SRGAP1: variants seen among roughly 807,000 people sequenced by gnomAD.
The protein encoded by SRGAP1 is SLIT-ROBO Rho GTPase-activating protein 1.
Under a neutral mutation model 121.9 loss-of-function variants are expected in SRGAP1, and 43 were observed. The ratio of observed to expected loss-of-function variants is 0.35; its 90% CI spans 0.28 to 0.46. The LOEUF (loss-of-function observed/expected upper bound fraction) is 0.46. Among genes scored for constraint, SRGAP1 ranks in the 20% least tolerant of loss-of-function variants. The pLI is 1.00. For synonymous variants in SRGAP1, 447 were observed against 485.4 expected, an observed-to-expected ratio of 0.92 and a Z score of 1.04; for missense variants, 1,102 against 1,350.9, an observed-to-expected ratio of 0.82 and a Z score of 2.89.
intron 1 of SRGAP1, among the ~76,000 whole-genome samples, chr12:63,884,790 C>T (rs956687021): frequency 1.1e-4 from 16 of 147,328 alleles, no homozygotes; most frequent in Non-Finnish European, 1.2e-4. Flanking sequence ...GGCGCGATCT[C>T]GGCTCACTGC....
At chr12:64,035,017 A>G (rs1268979810) in intron 4 of SRGAP1, among the ~76,000 whole-genome samples, 12 of 151,168 alleles carry the variant, frequency 7.9e-5, no homozygotes, top group African/African-American at 2.9e-4. Context: ...GGGATCAGCA[A>G]CTCTTTCAGC....
rs1010832231 is a variant in SRGAP1, at chr12:64,143,672, T to G, written c.*1000T>G. The G allele has an allele frequency of 3.3e-5, 5 of 152,112 alleles. No homozygotes were observed. The highest frequency in any genetic ancestry group is 1.3e-4 in the Admixed American group (2 of 15,228). The allele number at this position is 152,112 out of a possible 1,614,324, so 9.4% of individuals were successfully genotyped here. ...AACATGCTACAAAGCCCAGGCATGG[T>G]GGTGCACACCTGTACTCCCAGCTAC... is the stretch of plus-strand genomic sequence containing the variant. On this transcript the variant is annotated 3_prime_UTR_variant, in exon 22 of 22. Transcript: ENST00000355086.
chr12:64,072,149 G>GTGT (rs1159654414), intron 8 of SRGAP1, among the ~76,000 whole-genome samples: 3 of 18,428 alleles, frequency 1.6e-4, no homozygotes, highest in Non-Finnish European at 2.2e-4. Context: ...TGTGTGTGTG[G>GTGT]GCGGCGGGGG....
At chr12:64,018,354 G>A (rs1036963148) in intron 4 of SRGAP1, among the ~76,000 whole-genome samples, 1 of 152,138 alleles carries the variant, frequency 6.6e-6, no homozygotes, top group African/African-American at 2.4e-5. Flanking sequence ...GCCTCTCAAA[G>A]TGTTGGCATT....
chr12:63,982,673 G>A (rs982994343), intron 1 of SRGAP1: 29 of 152,202 alleles, frequency 1.9e-4, no homozygotes, highest in African/African-American at 7.0e-4. Context: ...ATTAGATTCA[G>A]CCTTCACTTT....
At chr12:64,025,627 A>T (rs902532243) in intron 4 of SRGAP1, among the ~76,000 whole-genome samples, 1 of 152,220 alleles carries the variant, frequency 6.6e-6, no homozygotes, top group African/African-American at 2.4e-5. Flanking sequence ...TATCTTTGGA[A>T]TACCACATTC....
At chr12:63,998,375 A>G (rs552873115) in intron 3 of SRGAP1, among the ~76,000 whole-genome samples, 119 of 152,318 alleles carry the variant, frequency 7.8e-4, no homozygotes, top group African/African-American at 2.8e-3. Context: ...TGTACATCCT[A>G]CTTCCTGAGA....
rs572030421 is a variant in SRGAP1, at chr12:64,128,054, A to G, written c.2734A>G (p.Arg912Gly). Residue 912 changes from arginine (R) to glycine (G), a missense_variant, in exon 21 of 22, where the codon AGG becomes GGG. Physicochemically the swap from Arg to Gly is moderately radical, Grantham distance 125. Coordinates refer to ENST00000355086, the MANE Select transcript of SRGAP1 (RefSeq NM_020762.4). ...LNNDSPERRR[R>G]PGHGSLTNIS... ...CAATGACAGTCCTGAGCGGAGGCGC[A>G]GGCCTGGCCATGGCAGCCTGACCAA... is the stretch of plus-strand genomic sequence containing the variant. The G allele has an allele frequency of 3.7e-5, 59 of 1,613,986 alleles. No homozygotes were observed. The highest frequency in any genetic ancestry group is 4.7e-5 in the Non-Finnish European group (56 of 1,180,034).
intron 1 of SRGAP1, chr12:63,871,618 T>C: frequency 1.9e-6 from 1 of 536,564 alleles, no homozygotes. Flanking sequence ...TAGTGTGAGG[T>C]TGGGAGTTTT....
rs529382844 is a variant in SRGAP1, at chr12:63,907,002, T to C, written c.67+62119T>C. ...CTATTTTCCAAAATGGAAACACAAA[T>C]TGTGCCTCGTTTTGTGTTCCCACAG... On this transcript the variant is annotated intron_variant, in intron 1 of 21. Coordinates refer to ENST00000355086, the MANE Select transcript of SRGAP1 (RefSeq NM_020762.4). 2.6e-5 allele frequency among the ~76,000 whole-genome samples: 4 copies of C among 152,216 alleles called. No homozygotes were observed. In the East Asian group the frequency reaches 7.7e-4, roughly 29 times the overall value.
intron 1 of SRGAP1, among the ~76,000 whole-genome samples, chr12:63,954,917 C>T (rs75572244): frequency 0.011 from 1,743 of 151,960 alleles, 27 homozygotes; most frequent in African/African-American, 0.039. Flanking sequence ...GCAAAGTGTC[C>T]CAATTGTCAG....
rs1343415190 is a variant in SRGAP1 at position 64,146,037 on chromosome 12, C to G, written c.*3365C>G. 3 of 152,146 alleles carry G rather than the reference C, an allele frequency of 2.0e-5. No individual in the cohort carries two copies. Among genetic ancestry groups the G allele is most frequent in the Non-Finnish European group, 4.4e-5 (3 of 68,062 alleles). The allele number at this position is 152,146 out of a possible 1,614,324, so 9.4% of individuals were successfully genotyped here. Reference sequence around the variant, plus strand: ...ACTGAAGGAGATTCATCAAGTCAGCCTTTTGGACTGGGTTGGGGTTTGGGG... The same window carrying G: ...ACTGAAGGAGATTCATCAAGTCAGCGTTTTGGACTGGGTTGGGGTTTGGGG... On this transcript the variant is annotated 3_prime_UTR_variant, in exon 22 of 22. Transcript: ENST00000355086.
At chr12:63,901,004 T>TTTA (rs2029900578) in intron 1 of SRGAP1, among the ~76,000 whole-genome samples, 3 of 152,134 alleles carry the variant, frequency 2.0e-5, no homozygotes, top group African/African-American at 7.2e-5. Flanking sequence ...TTTTTTTTTT[T>TTTA]TTAAATGAGA....
At chr12:63,930,047 G>A (rs536642133) in intron 1 of SRGAP1, among the ~76,000 whole-genome samples, 2 of 152,260 alleles carry the variant, frequency 1.3e-5, no homozygotes, top group African/African-American at 2.4e-5. Flanking sequence ...GGAAACAATA[G>A]ATGCTGGTGA....
At chr12:64,033,650 G>A (rs1458384513) in intron 4 of SRGAP1, among the ~76,000 whole-genome samples, 1 of 152,074 alleles carries the variant, frequency 6.6e-6, no homozygotes, top group Non-Finnish European at 1.5e-5. Flanking sequence ...CCCGGGAGGC[G>A]GAGGTTGCAG....
chr12:63,978,948 G>A (rs1035772523), intron 1 of SRGAP1, among the ~76,000 whole-genome samples: 1 of 151,052 alleles, frequency 6.6e-6, no homozygotes, highest in Admixed American at 6.6e-5. Flanking sequence ...CTCCCTGAAA[G>A]CTAATGATAT....
intron 1 of SRGAP1, among the ~76,000 whole-genome samples, chr12:63,846,241 A>G (rs1898897971): frequency 6.6e-6 from 1 of 152,200 alleles, no homozygotes; most frequent in Admixed American, 6.5e-5. Context: ...GTGTTAGCAG[A>G]TAAGTAATTA....
At chr12:64,131,735 G>A (rs138578777) in intron 21 of SRGAP1, among the ~76,000 whole-genome samples, 516 of 152,316 alleles carry the variant, frequency 3.4e-3, no homozygotes, top group African/African-American at 0.012. Context: ...ATGGAATGCT[G>A]CTGTGCACGA....
chr12:64,105,993 T>C (rs1592326882), intron 15 of SRGAP1, among the ~76,000 whole-genome samples: 1 of 152,360 alleles, frequency 6.6e-6, no homozygotes, highest in Middle Eastern at 3.4e-3. Context: ...ACAAAACTCC[T>C]GTCCCTGATA....
Sources: allele counts gnomAD v4.1 joint callset (sites outside exome capture counted in the v4.1 genomes callset), GRCh38; gene constraint gnomAD v4.1.1; transcripts MANE v1.5; gene names NCBI Gene and HGNC (gene_info 2026-07-23, HGNC 2026-07-21).